The following RBBP8 variants were observed in gnomAD, a reference collection of about 807,000 sequenced individuals.
RBBP8 encodes DNA endonuclease RBBP8.
RBBP8 carries 88 observed loss-of-function variants against 108.3 expected under a neutral mutation model. That is an observed-to-expected ratio of 0.81 (90% CI 0.68 to 0.97). The LOEUF (loss-of-function observed/expected upper bound fraction) is 0.97, where lower values mean the gene tolerates loss of function less well. RBBP8 is among the 50% of genes least tolerant of loss of function. RBBP8 has a pLI of 0.00. For missense variants in RBBP8, 1,023 were observed against 1,049.0 expected (o/e 0.98, Z 0.34); for synonymous variants, 332 against 348.2 (o/e 0.95, Z 0.52).
chr18:22,963,821 A>G (rs943025747), intron 4 of RBBP8, among the ~76,000 whole-genome samples: 6 of 152,190 alleles, frequency 3.9e-5, no homozygotes, highest in African/African-American at 9.7e-5. Flanking sequence ...ACTTGGTTTC[A>G]GCAGTTAATT....
intron 3 of RBBP8, among the ~76,000 whole-genome samples, chr18:22,928,087 G>A (rs910765625): frequency 9.3e-5 from 14 of 151,232 alleles, no homozygotes; most frequent in Non-Finnish European, 1.5e-4. Context: ...TGTAATCCCA[G>A]CTACTCGGGA....
intron 3 of RBBP8, among the ~76,000 whole-genome samples, chr18:22,924,982 C>G (rs1286311664): frequency 6.6e-6 from 1 of 151,934 alleles, no homozygotes; most frequent in Non-Finnish European, 1.5e-5. Context: ...CTCCTGGGCT[C>G]AAGCAATCCT....
chr18:22,932,941 G>C (rs1011961183), upstream of RBBP8, among the ~76,000 whole-genome samples: 19 of 152,164 alleles, frequency 1.2e-4, no homozygotes, highest in Admixed American at 7.2e-4. Flanking sequence ...AGATAACAGC[G>C]ACAAGGCCGA....
intron 2 of RBBP8, 112 bp downstream of exon 2, chr18:22,937,072 G>A (rs767703265): frequency 5.7e-5 from 87 of 1,525,150 alleles, no homozygotes; most frequent in Middle Eastern, 2.2e-4. Flanking sequence ...TTTAGGTTCC[G>A]GGGGTACATG....
At chr18:22,915,848 T>G (rs983945023) in intron 2 of RBBP8, among the ~76,000 whole-genome samples, 1 of 152,102 alleles carries the variant, frequency 6.6e-6, no homozygotes, top group African/African-American at 2.4e-5. Flanking sequence ...AAGAAAGCTA[T>G]TTAAGAACTA....
chr18:22,943,802 G>A (rs1195038607), intron 2 of RBBP8, among the ~76,000 whole-genome samples: 1 of 152,104 alleles, frequency 6.6e-6, no homozygotes, highest in African/African-American at 2.4e-5. Flanking sequence ...TCTGGGTAAA[G>A]AACTAAAATA....
At chr18:22,975,801 C>T (rs944105557) in intron 6 of RBBP8, among the ~76,000 whole-genome samples, 4 of 152,064 alleles carry the variant, frequency 2.6e-5, no homozygotes, top group African/African-American at 4.8e-5. Context: ...ACTTGCCTGT[C>T]GTCTTACAGC....
intron 4 of RBBP8, among the ~76,000 whole-genome samples, chr18:22,964,009 T>C (rs1446130338): frequency 6.6e-6 from 1 of 152,156 alleles, no homozygotes; most frequent in Non-Finnish European, 1.5e-5. Flanking sequence ...AGAATATAGG[T>C]TTAGGTTGGA....
At chr18:22,985,183 A>G (rs1216966068) in intron 8 of RBBP8, 193 bp downstream of exon 8, 10 of 292,988 alleles carry the variant, frequency 3.4e-5, no homozygotes, top group Non-Finnish European at 4.6e-5. Flanking sequence ...TAATCATATT[A>G]ATATAAATTA....
At chr18:22,977,090 G>T (rs1024750036) in intron 6 of RBBP8, among the ~76,000 whole-genome samples, 4 of 152,088 alleles carry the variant, frequency 2.6e-5, no homozygotes, top group Admixed American at 6.5e-5. Context: ...TATAGGAGAT[G>T]ATCTGATTGT....
chr18:22,937,118 G>A, intron 2 of RBBP8, 158 bp downstream of exon 2: 6 of 1,420,590 alleles, frequency 4.2e-6, no homozygotes, highest in Non-Finnish European at 5.6e-6. Flanking sequence ...GCATGTTGCT[G>A]GGGTTTGGTG....
chr18:22,984,671 T>C lies in RBBP8; in HGVS notation c.605-215T>C, dbSNP rs532429701. ...AAGCTGTCTGTTCTAGTCCCCTCTC[T>C]CCCAATGTCTTAACTTAAACAGCTT... On this transcript the variant is annotated intron_variant, in intron 7 of 18. Transcript: ENST00000327155. Among the ~76,000 whole-genome samples the C allele has an allele frequency of 3.9e-5, 6 of 152,298 alleles. No individual in the cohort carries two copies. The East Asian group carries it at 1.2e-3, about 29-fold the overall frequency.
At chr18:22,956,159 A>T (rs947537324) in intron 4 of RBBP8, among the ~76,000 whole-genome samples, 2 of 152,026 alleles carry the variant, frequency 1.3e-5, no homozygotes, top group Admixed American at 1.3e-4. Context: ...AGGACTAAGT[A>T]GGTAACTTTT....
intron 2 of RBBP8, among the ~76,000 whole-genome samples, chr18:22,941,210 C>T (rs1464665820): frequency 6.6e-6 from 1 of 151,854 alleles, no homozygotes; most frequent in Non-Finnish European, 1.5e-5. Context: ...CTCACTCTGT[C>T]ACCCAGGCTG....
At chr18:22,981,208 G>A (rs1465693751) in intron 6 of RBBP8, among the ~76,000 whole-genome samples, 3 of 151,192 alleles carry the variant, frequency 2.0e-5, no homozygotes, top group Admixed American at 2.0e-4. Context: ...CTGACCTTGT[G>A]ATCTGCCCGT....
intron 8 of RBBP8, 145 bp from the exon 9 acceptor site, chr18:22,989,076 G>A (rs925506896): frequency 1.0e-5 from 6 of 571,530 alleles, no homozygotes; most frequent in South Asian, 4.0e-5. Flanking sequence ...TGGACTTTTT[G>A]CACAGAATTT....
At chr18:22,928,623 T>G (rs1274331258), upstream of RBBP8, among the ~76,000 whole-genome samples, 1 of 151,818 alleles carries the variant, frequency 6.6e-6, no homozygotes, top group Non-Finnish European at 1.5e-5. Flanking sequence ...TAAGAGCTTG[T>G]GTGACATTTT....
chr18:23,018,161 C>T (rs1056129150), intron 17 of RBBP8, among the ~76,000 whole-genome samples: 1 of 151,922 alleles, frequency 6.6e-6, no homozygotes, highest in African/African-American at 2.4e-5. Flanking sequence ...AGACGATTCT[C>T]CTGCCTCTCC....
In RBBP8 at chr18:22,982,281, G is replaced by A. The variant is rs149495397; in HGVS notation, c.492G>A (p.Pro164=). 226 of 1,614,136 alleles carry A rather than the reference G, an allele frequency of 1.4e-4. 1 individual carries two copies. The African/African-American group carries it at 2.2e-3, about 16-fold the overall frequency. Residue 164 remains proline (P), a synonymous_variant, in exon 7 of 19, where the codon CCG becomes CCA. Transcript: ENST00000327155. ...ECEEDVIPDS[P]ITAFSFSGVN... is the part of the protein sequence containing the mutation. The stretch of plus-strand genomic sequence containing the variant: ...AGGAAGACGTTATTCCAGATTCACC[G>A]ATAACAGCCTTCTCATTTTCTGGCG...
Sources: allele counts gnomAD v4.1 joint callset (sites outside exome capture counted in the v4.1 genomes callset), GRCh38; gene constraint gnomAD v4.1.1; transcripts MANE v1.5; gene names NCBI Gene and HGNC (gene_info 2026-07-23, HGNC 2026-07-21).